PIP5K1A: variants seen among roughly 807,000 people sequenced by gnomAD.
The protein encoded by PIP5K1A is phosphatidylinositol 4-phosphate 5-kinase type-1 alpha.
Under a neutral mutation model 72.9 loss-of-function variants are expected in PIP5K1A, and 46 were observed. That is an observed-to-expected ratio of 0.63 (90% CI 0.50 to 0.81). The LOEUF is 0.81. PIP5K1A is among the 30% of genes least tolerant of loss of function. The probability of loss-of-function intolerance (pLI) is 0.00; values close to 1 mark genes in which losing one functional copy is unlikely to be tolerated. For missense variants in PIP5K1A, 458 were observed against 706.1 expected, an observed-to-expected ratio of 0.65 and a Z score of 3.98; for synonymous variants, 228 against 255.1, an observed-to-expected ratio of 0.89 and a Z score of 1.01.
chr1:151,236,642 A>T lies in PIP5K1A; in HGVS notation c.1024A>T (p.Ser342Cys). The T allele has an allele frequency of 6.2e-7, 1 of 1,613,400 alleles. No individual in the cohort carries two copies. The highest frequency in any genetic ancestry group is 8.5e-7 in the Non-Finnish European group (1 of 1,179,476). ...IDHAQREPLS[S>C]ETQYSVDTRR... ...TCATGCACAACGAGAGCCCTTAAGC[A>T]GTGAAACACAGTACTCAGTTGATAC... Residue 342 changes from serine (S) to cysteine (C), a missense_variant, in exon 9 of 16, where the codon AGT becomes TGT. By Grantham distance (112) the Ser-to-Cys change is moderately radical (BLOSUM62 -1). Around this residue, in one of 3 missense-constraint regions of PIP5K1A, gnomAD observed 220 missense variants for 442.6 expected, o/e 0.50. Transcript: ENST00000368888.
chr1:151,212,896 T>C (rs1334958925), intron 1 of PIP5K1A, among the ~76,000 whole-genome samples: 2 of 145,860 alleles, frequency 1.4e-5, no homozygotes, highest in Non-Finnish European at 3.0e-5. Context: ...TTTTTTTTTT[T>C]TTTCTTTTTT....
chr1:151,202,479 T>C (rs1271319031), intron 1 of PIP5K1A, among the ~76,000 whole-genome samples: 1 of 152,202 alleles, frequency 6.6e-6, no homozygotes, highest in Non-Finnish European at 1.5e-5. Flanking sequence ...AAAATCTTTT[T>C]TCTCTTTTTT....
At chr1:151,218,831 CAAAAA>C (rs5777767) in intron 1 of PIP5K1A, among the ~76,000 whole-genome samples, 2 of 70,506 alleles carry the variant, frequency 2.8e-5, no homozygotes, top group Non-Finnish European at 5.3e-5. Context: ...GACTCTGTCT[CAAAAA>C]AAAAAAAAAA....
intron 1 of PIP5K1A, among the ~76,000 whole-genome samples, chr1:151,213,747 A>AT (rs1687194846): frequency 6.6e-6 from 1 of 151,730 alleles, no homozygotes. Context: ...GTGTGTGGGG[A>AT]GTGTGGTGGT....
intron 9 of PIP5K1A, 52 bp downstream of exon 9, chr1:151,236,815 T>C: frequency 9.1e-7 from 1 of 1,097,556 alleles, no homozygotes; most frequent in Non-Finnish European, 1.3e-6. Flanking sequence ...ACAGCACTTT[T>C]CTTTTCTTTT....
At position 151,232,247 on chromosome 1, in the gene PIP5K1A, G is replaced by T; in HGVS notation, c.369-1G>T. ...ATGGCTACCTCTGTTTAACCCCACAGTGAAGGGAGCAACCTGACCCCTGCT... is the reference window on the plus strand; with the variant it reads ...ATGGCTACCTCTGTTTAACCCCACATTGAAGGGAGCAACCTGACCCCTGCT... On this transcript the variant is annotated splice_acceptor_variant, in intron 5 of 15. Transcript: ENST00000368888. LOFTEE classifies it high-confidence loss of function. The T allele has an allele frequency of 6.2e-7, 1 of 1,606,740 alleles. No individual in the cohort carries two copies. Among genetic ancestry groups the T allele is most frequent in the Non-Finnish European group, 8.5e-7 (1 of 1,173,278 alleles).
intron 8 of PIP5K1A, among the ~76,000 whole-genome samples, chr1:151,236,084 G>A (rs896797636): frequency 6.9e-6 from 1 of 145,944 alleles, no homozygotes; most frequent in Non-Finnish European, 1.5e-5. Context: ...TCGCGCCACT[G>A]TACTCCAGCC....
chr1:151,224,305 T>C, intron 2 of PIP5K1A, 26 bp downstream of exon 2: 1 of 1,610,786 alleles, frequency 6.2e-7, no homozygotes, highest in Non-Finnish European at 8.5e-7. Context: ...ATACAATGGT[T>C]ACTAAAACCT....
chr1:151,201,954 G>A (rs587598347), intron 1 of PIP5K1A, among the ~76,000 whole-genome samples: 2 of 152,268 alleles, frequency 1.3e-5, no homozygotes, highest in South Asian at 4.1e-4. Flanking sequence ...TCCAAACATG[G>A]TAATTGCTCC....
intron 14 of PIP5K1A, among the ~76,000 whole-genome samples, chr1:151,243,166 C>G (rs1692011952): frequency 6.6e-6 from 1 of 152,204 alleles, no homozygotes; most frequent in Non-Finnish European, 1.5e-5. Context: ...TGTGAGCCAT[C>G]TTAGAAACTG....
chr1:151,210,179 C>T (rs1207601296), intron 1 of PIP5K1A, among the ~76,000 whole-genome samples: 2 of 151,460 alleles, frequency 1.3e-5, no homozygotes, highest in Admixed American at 6.6e-5. Context: ...CCACTGCGCC[C>T]GCCCTCCCCG....
At position 151,199,181 on chromosome 1, in the gene PIP5K1A, G is replaced by GTT. The variant is rs1052210065; in HGVS notation, c.85+101_85+102dup. The GTT allele has an allele frequency of 1.1e-5, 18 of 1,587,240 alleles. No individual in the cohort carries two copies. The African/African-American group carries it at 2.4e-4, about 21-fold the overall frequency. On this transcript the variant is annotated intron_variant, in intron 1 of 15. Transcript: ENST00000368888. ...ACCTGTAGCTGGGAATGTCCTACGT[G>GTT]TTACCGGTAAGTGGGCGCGAGCTGG...
At chr1:151,228,968 G>A (rs1689573765) in intron 4 of PIP5K1A, among the ~76,000 whole-genome samples, 1 of 151,278 alleles carries the variant, frequency 6.6e-6, no homozygotes. Flanking sequence ...AGGAGTCGGA[G>A]ACCAACCTGA....
At chr1:151,243,428 A>G (rs1450052462) in intron 14 of PIP5K1A, among the ~76,000 whole-genome samples, 2 of 152,204 alleles carry the variant, frequency 1.3e-5, no homozygotes, top group African/African-American at 4.8e-5. Flanking sequence ...TGTACCTAGC[A>G]TACAATGGTG....
upstream of PIP5K1A, chr1:151,198,249 G>A (rs1212973778): frequency 1.1e-5 from 4 of 370,192 alleles, no homozygotes; most frequent in South Asian, 4.0e-5. Context: ...CTTGACACCA[G>A]TACTCCCGCA....
intron 4 of PIP5K1A, among the ~76,000 whole-genome samples, chr1:151,227,875 C>A (rs939728135): frequency 6.6e-6 from 1 of 151,990 alleles, no homozygotes; most frequent in Admixed American, 6.6e-5. Flanking sequence ...GGTGACAGAA[C>A]AAGACTCCAT....
intron 1 of PIP5K1A, among the ~76,000 whole-genome samples, chr1:151,209,483 A>G (rs889045528): frequency 2.2e-5 from 3 of 135,458 alleles, no homozygotes; most frequent in Non-Finnish European, 3.1e-5. Flanking sequence ...CTTGTCGCCC[A>G]GGCTGGAGTG....
At chr1:151,209,782 G>T (rs1453574287) in intron 1 of PIP5K1A, among the ~76,000 whole-genome samples, 1 of 151,938 alleles carries the variant, frequency 6.6e-6, no homozygotes, top group Non-Finnish European at 1.5e-5. Context: ...TGGCCAGGCT[G>T]GTCTTGAACT....
intron 3 of PIP5K1A, among the ~76,000 whole-genome samples, chr1:151,225,045 G>T (rs1487893191): frequency 6.6e-6 from 1 of 152,096 alleles, no homozygotes; most frequent in African/African-American, 2.4e-5. Flanking sequence ...CTTAAGATTG[G>T]GACATCCAGC....
Sources: gnomAD v4.1 joint callset for allele counts (sites outside exome capture counted in the v4.1 genomes callset) on GRCh38, gnomAD v4.1.1 for gene constraint, gnomAD v4.1.1 regional missense constraint, MANE v1.5 for transcripts, NCBI Gene and HGNC (gene_info 2026-07-23, HGNC 2026-07-21) for gene names.